SMARCC1: variants seen among roughly 807,000 people sequenced by gnomAD.
SMARCC1 encodes SWI/SNF complex subunit SMARCC1.
SMARCC1 carries 43 observed loss-of-function variants against 147.4 expected under a neutral mutation model. The ratio of observed to expected loss-of-function variants is 0.29; its 90% confidence interval spans 0.23 to 0.38. SMARCC1 has a LOEUF of 0.38. SMARCC1 is among the 10% of genes least tolerant of loss of function. SMARCC1 has a pLI of 1.00. For missense variants in SMARCC1, 1,119 were observed against 1,381.1 expected (o/e 0.81, Z 3.01); for synonymous variants, 495 against 484.4 (o/e 1.02, Z -0.29).
At chr3:47,634,188 G>A (rs1428248466) in intron 24 of SMARCC1, among the ~76,000 whole-genome samples, 4 of 152,138 alleles carry the variant, frequency 2.6e-5, no homozygotes, top group Non-Finnish European at 5.9e-5. Context: ...TAGGAAAAGG[G>A]CAGGTAGTAT....
chr3:47,591,662 C>A (rs1359920284), intron 26 of SMARCC1, among the ~76,000 whole-genome samples: 1 of 152,078 alleles, frequency 6.6e-6, no homozygotes, highest in Non-Finnish European at 1.5e-5. Context: ...CGTGCCTCAG[C>A]CTCCCAAGTA....
intron 2 of SMARCC1, among the ~76,000 whole-genome samples, chr3:47,770,540 T>A (rs1158564409): frequency 6.6e-6 from 1 of 152,000 alleles, no homozygotes; most frequent in Non-Finnish European, 1.5e-5. Context: ...CAAGACTCAC[T>A]TGAACCTGGG....
rs577333937 is a variant in SMARCC1, at chr3:47,693,574, GT to G, written c.1166-275del. On this transcript the variant is annotated intron_variant, in intron 11 of 27. Coordinates refer to ENST00000254480, the MANE Select transcript of SMARCC1 (RefSeq NM_003074.4). The stretch of plus-strand genomic sequence containing the variant: ...CAATCTTTCAATCCCTTCCACAAAA[GT>G]TTTTTTTATTAAAGTTTATGATGCA... Among the ~76,000 whole-genome samples the G allele has an allele frequency of 1.6e-3, 242 of 152,032 alleles. 1 individual carries two copies. Among genetic ancestry groups the G allele is most frequent in the African/African-American group, 5.6e-3 (232 of 41,488 alleles).
chr3:47,622,071 C>T, intron 25 of SMARCC1, 136 bp downstream of exon 25: 1 of 782,644 alleles, frequency 1.3e-6, no homozygotes, highest in Non-Finnish European at 2.1e-6. Context: ...AAGGGCAAAT[C>T]AAACACAGAA....
At chr3:47,763,747 G>T (rs2034802796) in intron 2 of SMARCC1, among the ~76,000 whole-genome samples, 1 of 151,450 alleles carries the variant, frequency 6.6e-6, no homozygotes. Context: ...CTCAAACAGG[G>T]ACTCACTGTC....
In SMARCC1 at chr3:47,661,392, A is replaced by G. The variant is rs767642514; in HGVS notation, c.2222T>C (p.Val741Ala). The G allele has an allele frequency of 1.9e-6, 3 of 1,613,832 alleles. No homozygotes were observed. Among genetic ancestry groups the G allele is most frequent in the Non-Finnish European group, 8.5e-7 (1 of 1,179,874 alleles). Reference protein sequence around the residue: ...LELVEAHVKKVQEAARASGKV... With the variant: ...LELVEAHVKKAQEAARASGKV... ...CCCAGAGGCTCGTGCTGCTTCTTGT[A>G]CTTTCTTGACATGAGCTTCAACCAA... The change falls in exon 21 of 28, where the codon GTA becomes GCA. Residue 741 changes from valine (V) to alanine (A), a missense_variant. Physicochemically the swap from Val to Ala is moderately conservative, Grantham distance 64 (BLOSUM62 0). Coordinates refer to ENST00000254480, the MANE Select transcript of SMARCC1 (RefSeq NM_003074.4).
intron 21 of SMARCC1, among the ~76,000 whole-genome samples, chr3:47,644,239 C>T (rs755159309): frequency 1.3e-5 from 2 of 152,018 alleles, no homozygotes; most frequent in Admixed American, 6.6e-5. Context: ...CCAGTACTTT[C>T]GGAGGCAGGG....
At chr3:47,692,042 T>G (rs1241699925) in intron 12 of SMARCC1, among the ~76,000 whole-genome samples, 1 of 152,164 alleles carries the variant, frequency 6.6e-6, no homozygotes, top group Non-Finnish European at 1.5e-5. Context: ...CAGAATTCCT[T>G]AATTAGAAGA....
chr3:47,597,677 G>A (rs1216375909), intron 26 of SMARCC1, among the ~76,000 whole-genome samples: 1 of 152,176 alleles, frequency 6.6e-6, no homozygotes, highest in African/African-American at 2.4e-5. Flanking sequence ...TGCCCAGGCT[G>A]GTTTCAAACT....
intron 2 of SMARCC1, among the ~76,000 whole-genome samples, chr3:47,769,658 A>C (rs1360742756): frequency 6.6e-6 from 1 of 152,166 alleles, no homozygotes; most frequent in Non-Finnish European, 1.5e-5. Context: ...TCCTGACATC[A>C]CCAAGTAAGT....
At chr3:47,727,120 G>A (rs1412448191) in intron 6 of SMARCC1, among the ~76,000 whole-genome samples, 3 of 152,124 alleles carry the variant, frequency 2.0e-5, no homozygotes, top group Non-Finnish European at 4.4e-5. Flanking sequence ...GGCTGAGGCA[G>A]GAGAATCGCT....
At chr3:47,733,863 CAAAAA>C (rs35679222) in intron 5 of SMARCC1, among the ~76,000 whole-genome samples, 1 of 72,416 alleles carries the variant, frequency 1.4e-5, no homozygotes, top group African/African-American at 4.6e-5. Context: ...GACTCTGTCT[CAAAAA>C]AAAAAAAAAA....
At position 47,774,899 on chromosome 3, in the gene SMARCC1, GGGCTCAA is replaced by G. The variant is rs149312881; in HGVS notation, c.196-1970_196-1964del. The stretch of plus-strand genomic sequence containing the variant: ...ACAGCCACCGCAGCCTCAATCTCCT[GGGCTCAA>G]GTGATCCTCCTCCTCCACCTCCCAG... On this transcript the variant is annotated intron_variant, in intron 1 of 27. Coordinates refer to ENST00000254480, the MANE Select transcript of SMARCC1 (RefSeq NM_003074.4). Among the ~76,000 whole-genome samples, 309 of 151,702 alleles carry G rather than the reference GGGCTCAA, an allele frequency of 2.0e-3. 1 individual carries two copies. Among genetic ancestry groups the G allele is most frequent in the African/African-American group, 7.1e-3 (292 of 41,338 alleles).
intron 19 of SMARCC1, chr3:47,663,516 C>A: frequency 1.3e-6 from 1 of 775,252 alleles, no homozygotes; most frequent in Non-Finnish European, 2.1e-6. Context: ...GGGGCTGAGG[C>A]GAGAGGATCT....
rs556363685 is a variant in SMARCC1 at position 47,671,100 on chromosome 3, C to T, written c.1840-383G>A. ...CTCCAGTGACTGAGGCAAGAGAACC[C>T]AGGAGGCAGAGGTTGCAGTGAGCCA... On this transcript the variant is annotated intron_variant, in intron 18 of 27. Coordinates refer to ENST00000254480, the MANE Select transcript of SMARCC1 (RefSeq NM_003074.4). 2.9e-5 allele frequency among the ~76,000 whole-genome samples: 4 copies of T among 137,576 alleles called. No individual in the cohort carries two copies. The East Asian group carries it at 9.4e-4, about 32-fold the overall frequency. 90.3% of individuals were successfully genotyped at this position (137,576 alleles called of 152,430 possible).
intron 18 of SMARCC1, among the ~76,000 whole-genome samples, chr3:47,674,503 T>C (rs2033544010): frequency 6.6e-6 from 1 of 152,244 alleles, no homozygotes; most frequent in Non-Finnish European, 1.5e-5. Context: ...ATCAGTTTTA[T>C]TATTGTTCTT....
At chr3:47,617,264 G>A (rs1286352661) in intron 25 of SMARCC1, among the ~76,000 whole-genome samples, 6 of 152,224 alleles carry the variant, frequency 3.9e-5, no homozygotes, top group Non-Finnish European at 8.8e-5. Flanking sequence ...TGTAAGAAGG[G>A]CTAACAAAGA....
At chr3:47,629,030 G>T (rs2032850917) in intron 24 of SMARCC1, among the ~76,000 whole-genome samples, 1 of 152,204 alleles carries the variant, frequency 6.6e-6, no homozygotes, top group Admixed American at 6.5e-5. Context: ...AGCCCAGAGG[G>T]CCAAGTCAAA....
At chr3:47,755,989 TAAAAAAAAAAAAAAAAAA>T (rs34001771) in intron 2 of SMARCC1, among the ~76,000 whole-genome samples, 2 of 22,912 alleles carry the variant, frequency 8.7e-5, no homozygotes, top group South Asian at 2.5e-3. Context: ...GGCTTCATCT[TAAAAAAAAAAAAAAAAAA>T]AAAAAAAAAA....
Sources: gnomAD v4.1 joint callset for allele counts (sites outside exome capture counted in the v4.1 genomes callset) on GRCh38, gnomAD v4.1.1 for gene constraint, MANE v1.5 for transcripts, NCBI Gene and HGNC (gene_info 2026-07-23, HGNC 2026-07-21) for gene names.